The following HPSE2 variants were observed in gnomAD, a reference collection of about 807,000 sequenced individuals.
HPSE2 encodes the protein inactive heparanase-2.
In HPSE2, 38 loss-of-function variants were observed where a neutral mutation model predicts 60.5. The ratio of observed to expected loss-of-function variants is 0.63; its 90% confidence interval spans 0.48 to 0.82. The LOEUF (loss-of-function observed/expected upper bound fraction) is 0.82. HPSE2 is among the 40% of genes least tolerant of loss of function. The pLI is 0.00. For synonymous variants in HPSE2, 295 were observed against 293.2 expected, an observed-to-expected ratio of 1.01 and a Z score of -0.06; for missense variants, 713 against 740.4, an observed-to-expected ratio of 0.96 and a Z score of 0.43.
chr10:98,591,879 A>G (rs943798905), intron 9 of HPSE2, among the ~76,000 whole-genome samples: 1 of 152,164 alleles, frequency 6.6e-6, no homozygotes, highest in Admixed American at 6.5e-5. Flanking sequence ...TGTGATCACT[A>G]TACTTCAGTT....
chr10:98,702,403 G>A (rs576435073), intron 5 of HPSE2, among the ~76,000 whole-genome samples: 2 of 152,180 alleles, frequency 1.3e-5, no homozygotes, highest in African/African-American at 2.4e-5. Flanking sequence ...ACAGATCAAC[G>A]AGACAGAAAA....
intron 3 of HPSE2, among the ~76,000 whole-genome samples, chr10:98,853,515 C>T (rs2134744929): frequency 6.6e-6 from 1 of 152,136 alleles, no homozygotes; most frequent in African/African-American, 2.4e-5. Flanking sequence ...CTCCTTATCA[C>T]CTCCCCTTTC....
intron 2 of HPSE2, among the ~76,000 whole-genome samples, chr10:99,162,969 G>A (rs1277721634): frequency 1.3e-5 from 2 of 152,086 alleles, no homozygotes; most frequent in African/African-American, 4.8e-5. Context: ...CAGCACTTTG[G>A]GAGGCCAAGG....
the HPSE2 span, among the ~76,000 whole-genome samples, chr10:99,307,958 T>A: frequency 2.0e-5 from 3 of 152,108 alleles, no homozygotes; most frequent in African/African-American, 7.2e-5. Context: ...CTTTGGCAGT[T>A]CCTCAAAATG....
chr10:98,963,335 T>G (rs1200172357), intron 3 of HPSE2, among the ~76,000 whole-genome samples: 2 of 152,146 alleles, frequency 1.3e-5, no homozygotes, highest in East Asian at 3.8e-4. Context: ...AAACTCTAAT[T>G]CCCACACCTG....
intron 3 of HPSE2, among the ~76,000 whole-genome samples, chr10:98,902,812 T>C (rs759366962): frequency 4.9e-4 from 75 of 152,248 alleles, no homozygotes; most frequent in South Asian, 1.0e-3. Context: ...CTGCAACTTA[T>C]GTTAAAAGGC....
chr10:98,616,679 A>G (rs1945920038), intron 8 of HPSE2, among the ~76,000 whole-genome samples: 1 of 152,188 alleles, frequency 6.6e-6, no homozygotes, highest in Non-Finnish European at 1.5e-5. Flanking sequence ...AAACAAAACA[A>G]AAAGCAAAGC....
At chr10:99,308,055 A>G in the HPSE2 span, among the ~76,000 whole-genome samples, 1 of 152,128 alleles carries the variant, frequency 6.6e-6, no homozygotes, top group African/African-American at 2.4e-5. Flanking sequence ...AAACTTATAC[A>G]TGAATGTTCA....
chr10:99,184,819 TA>T (rs1847934875), intron 2 of HPSE2, among the ~76,000 whole-genome samples: 1 of 19,858 alleles, frequency 5.0e-5, no homozygotes, highest in African/African-American at 1.7e-4. Flanking sequence ...TATATATATA[TA>T]GAGAGAGAGA....
chr10:98,771,967 G>A (rs1950250215), intron 3 of HPSE2, among the ~76,000 whole-genome samples: 1 of 152,126 alleles, frequency 6.6e-6, no homozygotes, highest in African/African-American at 2.4e-5. Context: ...GAACCCAAAG[G>A]ACACCATTTG....
chr10:98,571,241 T>C (rs1227833491), intron 9 of HPSE2, among the ~76,000 whole-genome samples: 4 of 152,162 alleles, frequency 2.6e-5, no homozygotes, highest in Non-Finnish European at 5.9e-5. Context: ...ATGTAGCTCA[T>C]GCCTGTAATC....
At chr10:98,782,908 G>GTTTA (rs369304922) in intron 3 of HPSE2, among the ~76,000 whole-genome samples, 37 of 11,592 alleles carry the variant, frequency 3.2e-3, no homozygotes, top group East Asian at 0.026. Flanking sequence ...TTCCCTGTTT[G>GTTTA]TTTATTTTTT....
At chr10:99,088,788 C>T (rs181486819) in intron 3 of HPSE2, among the ~76,000 whole-genome samples, 2 of 152,304 alleles carry the variant, frequency 1.3e-5, no homozygotes, top group Non-Finnish European at 2.9e-5. Context: ...ACACTGTTTT[C>T]TGTAGTGGTT....
At chr10:99,026,977 C>T (rs1415504082) in intron 3 of HPSE2, among the ~76,000 whole-genome samples, 2 of 151,812 alleles carry the variant, frequency 1.3e-5, no homozygotes, top group African/African-American at 2.4e-5. Context: ...AAAGGAAGTA[C>T]TATGGGAATT....
chr10:98,551,256 A>T (rs1221992369), intron 9 of HPSE2, among the ~76,000 whole-genome samples: 1 of 152,134 alleles, frequency 6.6e-6, no homozygotes, highest in African/African-American at 2.4e-5. Context: ...GTTTTGGAAG[A>T]TCATACTGAC....
chr10:99,076,626 G>C (rs1842958684), intron 3 of HPSE2, among the ~76,000 whole-genome samples: 1 of 152,186 alleles, frequency 6.6e-6, no homozygotes, highest in African/African-American at 2.4e-5. Context: ...GGTCTCAGGT[G>C]ATCTGTCTGC....
At chr10:98,469,814 A>T (rs1940701728) in intron 11 of HPSE2, among the ~76,000 whole-genome samples, 1 of 152,192 alleles carries the variant, frequency 6.6e-6, no homozygotes, top group Admixed American at 6.5e-5. Context: ...TGCCTTTCCT[A>T]CAGCCTTTCC....
rs546847168 is a variant in HPSE2, at chr10:98,833,540, A to G, written c.611-89484T>C. On this transcript the variant is annotated intron_variant, in intron 3 of 11. Coordinates refer to ENST00000370552, the MANE Select transcript of HPSE2 (RefSeq NM_021828.5). ...TGTCAGATACTGTACCAAACATTTT[A>G]CATGTACTACACTAGTTCATTTAAT... Among the ~76,000 whole-genome samples, 8 of 152,342 alleles carry G rather than the reference A, an allele frequency of 5.3e-5. No homozygotes were observed. In the South Asian group the frequency reaches 1.7e-3, roughly 32 times the overall value.
chr10:98,620,849 G>A, intron 7 of HPSE2, 141 bp from the exon 8 acceptor site: 1 of 712,502 alleles, frequency 1.4e-6, no homozygotes, highest in South Asian at 1.5e-5. Flanking sequence ...TTATGATGAT[G>A]CACCCAGTTC....
Sources: allele counts gnomAD v4.1 joint callset (sites outside exome capture counted in the v4.1 genomes callset), GRCh38; gene constraint gnomAD v4.1.1; transcripts MANE v1.5; gene names NCBI Gene and HGNC (gene_info 2026-07-23, HGNC 2026-07-21).